COX7B2: variants seen among roughly 807,000 people sequenced by gnomAD.
The protein encoded by COX7B2 is cytochrome c oxidase subunit 7B2, mitochondrial.
For missense variants in COX7B2, 109 were observed against 95.9 expected, an observed-to-expected ratio of 1.14 and a Z score of -0.57; for synonymous variants, 37 against 32.1, an observed-to-expected ratio of 1.15 and a Z score of -0.51.
intron 1 of COX7B2, among the ~76,000 whole-genome samples, chr4:46,860,255 A>T (rs1245582315): frequency 6.6e-6 from 1 of 152,142 alleles, no homozygotes; most frequent in African/African-American, 2.4e-5. Context: ...TAGCACAGAG[A>T]CTGTAACACC....
chr4:46,902,477 G>A (rs1720128683), intron 1 of COX7B2, among the ~76,000 whole-genome samples: 1 of 152,138 alleles, frequency 6.6e-6, no homozygotes, highest in African/African-American at 2.4e-5. Context: ...AGTCGGCATG[G>A]CTGTCCTTCA....
intron 2 of COX7B2, among the ~76,000 whole-genome samples, chr4:46,770,050 A>G (rs1716783294): frequency 6.6e-6 from 1 of 152,194 alleles, no homozygotes; most frequent in Admixed American, 6.5e-5. Context: ...CAGAAGGAAA[A>G]AATTAAAATT....
At chr4:46,794,031 C>T (rs1202977397) in intron 2 of COX7B2, among the ~76,000 whole-genome samples, 1 of 152,142 alleles carries the variant, frequency 6.6e-6, no homozygotes, top group Non-Finnish European at 1.5e-5. Flanking sequence ...TCTTCAGTAC[C>T]CATCCCACAG....
chr4:46,811,490 G>T (rs1719283487), intron 2 of COX7B2, among the ~76,000 whole-genome samples: 1 of 151,714 alleles, frequency 6.6e-6, no homozygotes, highest in South Asian at 2.1e-4. Flanking sequence ...ATTCTGTCTG[G>T]TTCTTTAATA....
intron 2 of COX7B2, among the ~76,000 whole-genome samples, chr4:46,770,554 C>A (rs543001095): frequency 6.6e-6 from 1 of 152,130 alleles, no homozygotes; most frequent in South Asian, 2.1e-4. Context: ...GGACGCATCA[C>A]ACTACCTGAT....
chr4:46,886,203 A>T (rs1719073765), intron 1 of COX7B2, among the ~76,000 whole-genome samples: 1 of 152,196 alleles, frequency 6.6e-6, no homozygotes, highest in Admixed American at 6.5e-5. Flanking sequence ...TATAAAATGC[A>T]TTCTTAAAAG....
chr4:46,773,738 G>C (rs1006987490), intron 2 of COX7B2, among the ~76,000 whole-genome samples: 1 of 152,116 alleles, frequency 6.6e-6, no homozygotes, highest in African/African-American at 2.4e-5. Flanking sequence ...TGAGCATCTA[G>C]ATTTCTAATT....
At chr4:46,783,120 A>C (rs945694862) in intron 2 of COX7B2, among the ~76,000 whole-genome samples, 3 of 152,380 alleles carry the variant, frequency 2.0e-5, no homozygotes, top group African/African-American at 7.2e-5. Flanking sequence ...AACAAGTATT[A>C]GTCCCTTGTA....
At chr4:46,759,807 TTATATAAGTTATATAAGTCATATC>T (rs1560359924) in intron 2 of COX7B2, among the ~76,000 whole-genome samples, 2 of 148,576 alleles carry the variant, frequency 1.3e-5, no homozygotes, top group Admixed American at 1.4e-4. Flanking sequence ...AAGTCATATC[TTATATAAGTTATATAAGTCATATC>T]TTATATAAGT....
At chr4:46,815,041 C>T (rs536740549) in intron 2 of COX7B2, among the ~76,000 whole-genome samples, 22 of 152,150 alleles carry the variant, frequency 1.4e-4, no homozygotes, top group African/African-American at 5.3e-4. Flanking sequence ...CAAAAATTAG[C>T]CAGGCGTGGT....
intron 2 of COX7B2, among the ~76,000 whole-genome samples, chr4:46,765,364 G>C (rs901733006): frequency 6.6e-6 from 1 of 152,110 alleles, no homozygotes; most frequent in South Asian, 2.1e-4. Context: ...TGCCATGGAC[G>C]CTAGCAGCAT....
At chr4:46,736,109 A>T (rs188529104) in intron 2 of COX7B2, among the ~76,000 whole-genome samples, 1 of 152,334 alleles carries the variant, frequency 6.6e-6, no homozygotes, top group African/African-American at 2.4e-5. Context: ...AATGACATGT[A>T]TCCATCATTT....
intron 1 of COX7B2, among the ~76,000 whole-genome samples, chr4:46,857,820 T>G (rs946460636): frequency 6.6e-6 from 1 of 152,202 alleles, no homozygotes; most frequent in African/African-American, 2.4e-5. Context: ...CCTGAAAAAC[T>G]AACCCTGGTG....
At chr4:46,819,960 G>GCATT (rs1385884940) in intron 2 of COX7B2, among the ~76,000 whole-genome samples, 1 of 152,166 alleles carries the variant, frequency 6.6e-6, no homozygotes, top group African/African-American at 2.4e-5. Context: ...ATTCCACCAA[G>GCATT]CATTGCATCT....
At chr4:46,831,698 T>C (rs1715117250) in intron 2 of COX7B2, among the ~76,000 whole-genome samples, 1 of 152,162 alleles carries the variant, frequency 6.6e-6, no homozygotes, top group South Asian at 2.1e-4. Flanking sequence ...AGAATCTTTA[T>C]GTCTAGCTAA....
chr4:46,788,326 G>T (rs1717858431), intron 2 of COX7B2, among the ~76,000 whole-genome samples: 1 of 152,008 alleles, frequency 6.6e-6, no homozygotes, highest in Non-Finnish European at 1.5e-5. Flanking sequence ...TTCTCTGATA[G>T]ACAATAAAAA....
rs894934267 is a variant in COX7B2 at position 46,776,429 on chromosome 4, T to C, written c.-49-41188A>G. Among the ~76,000 whole-genome samples, 3 of 151,918 alleles carry C rather than the reference T, an allele frequency of 2.0e-5. No individual in the cohort carries two copies. The East Asian group carries it at 5.8e-4, about 29-fold the overall frequency. On this transcript the variant is annotated intron_variant, in intron 2 of 2. Coordinates refer to ENST00000355591, the MANE Select transcript of COX7B2 (RefSeq NM_130902.3). Reference sequence around the variant, plus strand: ...GTGTGTGTGTGTGTGTGTGTCTGTGTGTCTGTGTGTCTGTGTGTGTGCATT... The same window carrying C: ...GTGTGTGTGTGTGTGTGTGTCTGTGCGTCTGTGTGTCTGTGTGTGTGCATT...
chr4:46,831,307 G>A (rs1169949087), intron 2 of COX7B2, among the ~76,000 whole-genome samples: 1 of 152,142 alleles, frequency 6.6e-6, no homozygotes, highest in Non-Finnish European at 1.5e-5. Context: ...AGCCTGCCAT[G>A]CCTGAGTGCC....
At chr4:46,889,996 C>T (rs1719334653) in intron 1 of COX7B2, among the ~76,000 whole-genome samples, 1 of 151,502 alleles carries the variant, frequency 6.6e-6, no homozygotes, top group African/African-American at 2.4e-5. Context: ...GAAATATATG[C>T]CAGCATCCTG....
Sources: gnomAD v4.1 joint callset for allele counts (sites outside exome capture counted in the v4.1 genomes callset) on GRCh38, gnomAD v4.1.1 for gene constraint, MANE v1.5 for transcripts, NCBI Gene and HGNC (gene_info 2026-07-23, HGNC 2026-07-21) for gene names.